Variants in CAPN15 observed in about 807,000 individuals in gnomAD.
CAPN15 encodes calpain 15, also known as calpain-15.
A neutral mutation model predicts 97.9 loss-of-function variants in CAPN15; 53 were observed. The ratio of observed to expected loss-of-function variants is 0.54; its 90% CI spans 0.43 to 0.68. CAPN15 has a LOEUF of 0.68. Among genes scored for constraint, CAPN15 ranks in the 30% least tolerant of loss-of-function variants. CAPN15 has a pLI of 0.00. For missense variants in CAPN15, 1,592 were observed against 1,589.8 expected, an observed-to-expected ratio of 1.00 and a Z score of -0.02; for synonymous variants, 922 against 722.5, an observed-to-expected ratio of 1.28 and a Z score of -4.43.
Position 552,191 on chromosome 16 carries a change from C to G in CAPN15, c.2486C>G (p.Ala829Gly). ...TVLERASLEF[A>G]LFQEGSRRSD... The stretch of plus-strand genomic sequence containing the variant: ...CTGGAGCGGGCCTCGCTGGAGTTCG[C>G]GCTCTTCCAGGAGGGCAGCAGGTGG... The change falls in exon 10 of 14, where the codon GCG (alanine) becomes GGG (glycine). Residue 829 changes from alanine (A) to glycine (G), a missense_variant. Transcript: ENST00000219611. This position sits in a 1 kb window ranked among gnomAD's most constrained non-coding sequence, Gnocchi z 6.4. 1 of 1,535,798 alleles carries G rather than the reference C, an allele frequency of 6.5e-7. No individual in the cohort carries two copies. Among genetic ancestry groups the G allele is most frequent in the Non-Finnish European group, 8.8e-7 (1 of 1,138,922 alleles).
intron 3 of CAPN15, among the ~76,000 whole-genome samples, chr16:545,587 G>C (rs866850440): frequency 6.6e-6 from 1 of 152,212 alleles, no homozygotes; most frequent in Non-Finnish European, 1.5e-5. Flanking sequence ...GGATGACTCC[G>C]AAAGGTGTCT....
In CAPN15 at chr16:552,843, A is replaced by G. The variant is rs2035198702; in HGVS notation, c.2905-20A>G. On this transcript the variant is annotated intron_variant, in intron 12 of 13. Coordinates refer to ENST00000219611, the MANE Select transcript of CAPN15 (RefSeq NM_005632.3). This position sits in a 1 kb window ranked among gnomAD's most constrained non-coding sequence, Gnocchi z 6.4. ...GCCCCAGCACCTCCCCTGCCCCACA[A>G]CTGCCATTCCTGTGCCCAGGGCCGT... 5 of 1,528,774 alleles carry G rather than the reference A, an allele frequency of 3.3e-6. No individual in the cohort carries two copies. Among genetic ancestry groups the G allele is most frequent in the Non-Finnish European group, 4.4e-6 (5 of 1,129,878 alleles). 94.7% of individuals were successfully genotyped at this position (1,528,774 alleles called of 1,614,324 possible).
chr16:535,301 T>C lies in CAPN15; in HGVS notation c.-136-728T>C, dbSNP rs1452048364. Reference sequence around the variant, plus strand: ...CCCAGCAGACCTCAGTGGCCGCAGATGGAGCGGGGCGGCAATGGTCACCTC... The same window carrying C: ...CCCAGCAGACCTCAGTGGCCGCAGACGGAGCGGGGCGGCAATGGTCACCTC... On this transcript the variant is annotated intron_variant, in intron 2 of 13. Coordinates refer to ENST00000219611, the MANE Select transcript of CAPN15 (RefSeq NM_005632.3). This position sits in a 1 kb window ranked among gnomAD's most constrained non-coding sequence, Gnocchi z 6.2. The C allele has an allele frequency of 6.5e-6, 1 of 154,096 alleles. No homozygotes were observed. Among genetic ancestry groups the C allele is most frequent in the East Asian group, 1.9e-4 (1 of 5,168 alleles). 9.5% of individuals were successfully genotyped at this position (154,096 alleles called of 1,614,324 possible).
chr16:549,712 G>A lies in CAPN15; in HGVS notation c.1940G>A (p.Gly647Asp). 1 of 1,571,304 alleles carries A rather than the reference G, an allele frequency of 6.4e-7. No homozygotes were observed. Among genetic ancestry groups the A allele is most frequent in the Non-Finnish European group, 8.6e-7 (1 of 1,159,854 alleles). ...CTCCAGGCGGGCCGCGCCATCGAAGGCCTGGCCACGCTCACCGGCGCCCCC... is the reference window on the plus strand; with the variant it reads ...CTCCAGGCGGGCCGCGCCATCGAAGACCTGGCCACGCTCACCGGCGCCCCC... ...FALQAGRAIE[G>D]LATLTGAPCE... Residue 647 changes from glycine to aspartate, a missense_variant, in exon 7 of 14, where the codon GGC becomes GAC. Transcript: ENST00000219611.
intron 3 of CAPN15, chr16:537,069 C>T (rs1008881935): frequency 1.2e-5 from 11 of 909,182 alleles, no homozygotes; most frequent in Non-Finnish European, 1.4e-5. Context: ...GGAAAAACCC[C>T]GGAGAGGGCT....
In CAPN15 at chr16:549,125, G is replaced by A; in HGVS notation, c.1582G>A (p.Asp528Asn). 1 of 1,611,878 alleles carries A rather than the reference G, an allele frequency of 6.2e-7. No homozygotes were observed. The highest frequency in any genetic ancestry group is 1.1e-5 in the South Asian group (1 of 91,070). ...GGAGATCAACTGCTCCGTCTTCAGG[G>A]ACCACAGGGCCACGTGGTCTGTGTT... ...PQEINCSVFR[D>N]HRATWSVFHT... is the part of the protein sequence containing the mutation. The change falls in exon 5 of 14, where the codon GAC becomes AAC. Residue 528 changes from aspartate (D) to asparagine (N), a missense_variant. Coordinates refer to ENST00000219611, the MANE Select transcript of CAPN15 (RefSeq NM_005632.3).
intron 3 of CAPN15, chr16:536,990 C>T (rs1471083150): frequency 2.9e-6 from 1 of 343,322 alleles, no homozygotes; most frequent in East Asian, 1.7e-4. Flanking sequence ...TCACGGGGCT[C>T]TTGACTCCTC....
chr16:543,705 C>T (rs2034317208), intron 3 of CAPN15, among the ~76,000 whole-genome samples: 1 of 152,170 alleles, frequency 6.6e-6, no homozygotes, highest in Non-Finnish European at 1.5e-5. Flanking sequence ...TGCGGGAAGG[C>T]AGCTGGGCCT....
At position 552,262 on chromosome 16, in the gene CAPN15, G is replaced by A. The variant is rs113557341; in HGVS notation, c.2508-39G>A. On this transcript the variant is annotated intron_variant, in intron 10 of 13. Transcript: ENST00000219611. This position sits in a 1 kb window ranked among gnomAD's most constrained non-coding sequence, Gnocchi z 6.4. ...GCTGGGCTGGGCTAGGCTGGCGGCC[G>A]TGACCACGCGTGACCCTGGCCCGTG... The A allele has an allele frequency of 2.5e-3, 3,806 of 1,534,302 alleles. 7 individuals carry two copies. The highest frequency in any genetic ancestry group is 2.6e-3 in the Non-Finnish European group (2,934 of 1,140,166).
At chr16:538,164 G>C (rs534962820) in intron 3 of CAPN15, 2 of 152,282 alleles carry the variant, frequency 1.3e-5, no homozygotes, top group Admixed American at 1.3e-4. Flanking sequence ...GCCGCCAGGT[G>C]CCCCTTCGAG....
intron 1 of CAPN15, among the ~76,000 whole-genome samples, chr16:529,443 G>A (rs957480057): frequency 2.0e-5 from 3 of 152,224 alleles, no homozygotes; most frequent in Non-Finnish European, 2.9e-5. Context: ...GTGAGGAACC[G>A]AAGCTGGAGA....
Position 552,974 on chromosome 16 carries a change from G to A in CAPN15, c.3016G>A (p.Asp1006Asn), listed in dbSNP as rs149246709. ...AYLHVQCDCT[D>N]SFNVVSTRGS... is the part of the protein sequence containing the mutation. ...CCTGCACGTGCAGTGTGACTGCACC[G>A]ACAGCTTCAACGTGGTGTCCACACG... The change falls in exon 13 of 14, where the codon GAC becomes AAC. Residue 1006 changes from aspartate (D) to asparagine (N), a missense_variant. Transcript: ENST00000219611. This position sits in a 1 kb window ranked among gnomAD's most constrained non-coding sequence, Gnocchi z 6.4. The A allele has an allele frequency of 1.9e-4, 313 of 1,611,596 alleles. No homozygotes were observed. The highest frequency in any genetic ancestry group is 3.1e-4 in the East Asian group (14 of 44,830).
At chr16:544,733 C>G (rs2034429091) in intron 3 of CAPN15, among the ~76,000 whole-genome samples, 1 of 124,762 alleles carries the variant, frequency 8.0e-6, no homozygotes, top group Non-Finnish European at 1.7e-5. Context: ...TCCCCCACGT[C>G]GCCTCCCCCA....
intron 3 of CAPN15, chr16:539,232 C>G (rs891528199): frequency 3.3e-5 from 5 of 152,270 alleles, no homozygotes; most frequent in African/African-American, 1.2e-4. Flanking sequence ...TAATCAGAAG[C>G]TGGAAGAAGG....
At chr16:529,463 A>G (rs1311234357) in intron 1 of CAPN15, among the ~76,000 whole-genome samples, 2 of 152,170 alleles carry the variant, frequency 1.3e-5, no homozygotes, top group African/African-American at 4.8e-5. Context: ...ACAGCTGTTC[A>G]TGGCAGGGGA....
At chr16:548,365 C>T (rs965235849) in intron 4 of CAPN15, 78 bp downstream of exon 4, 100 of 1,356,126 alleles carry the variant, frequency 7.4e-5, no homozygotes, top group Admixed American at 1.6e-4. Flanking sequence ...TGGGCTCTGG[C>T]GATGGGCTGG....
At position 535,848 on chromosome 16, in the gene CAPN15, A is replaced by C. The variant is rs2033666495; in HGVS notation, c.-136-181A>C. 6.6e-6 allele frequency among the ~76,000 whole-genome samples: 1 copy of C among 152,122 alleles called. No individual in the cohort carries two copies. ...CACATGCAGCTCACGGGAGCAGCACAGATGCTTGGCCGGCGGCAGGCCCTA... is the reference window on the plus strand; with the variant it reads ...CACATGCAGCTCACGGGAGCAGCACCGATGCTTGGCCGGCGGCAGGCCCTA... On this transcript the variant is annotated intron_variant, in intron 2 of 13. Transcript: ENST00000219611. The surrounding 1 kb of genome is among the most constrained non-coding windows in gnomAD (Gnocchi z 6.2).
At position 547,243 on chromosome 16, in the gene CAPN15, G is replaced by T; in HGVS notation, c.405G>T (p.Glu135Asp). The change falls in exon 4 of 14, where the codon GAG (glutamate) becomes GAT (aspartate). Residue 135 changes from glutamate to aspartate, a missense_variant. Around this residue, in one of 3 missense-constraint regions of CAPN15, gnomAD observed 883 missense variants for 776.6 expected, o/e 1.14. Transcript: ENST00000219611. Reference sequence around the variant, plus strand: ...ACGAGGAGGAGAAGGAGGAGCAGGAGGAGGAGGAGGGAGCGGCGGAGCCCA... The same window carrying T: ...ACGAGGAGGAGAAGGAGGAGCAGGATGAGGAGGAGGGAGCGGCGGAGCCCA... ...DKDEEEKEEQEEEEGAAEPRG... is the reference protein window; with the variant it reads ...DKDEEEKEEQDEEEGAAEPRG... 1 of 1,514,078 alleles carries T rather than the reference G, an allele frequency of 6.6e-7. No individual in the cohort carries two copies. Among genetic ancestry groups the T allele is most frequent in the South Asian group, 1.3e-5 (1 of 79,110 alleles). 93.8% of individuals were successfully genotyped at this position (1,514,078 alleles called of 1,614,324 possible). A position where few individuals can be genotyped will look rare whatever the true frequency, so the allele number is the denominator to read the frequency against.
chr16:546,607 A>G (rs148958309), intron 3 of CAPN15, among the ~76,000 whole-genome samples: 6,342 of 152,172 alleles, frequency 0.042, 253 homozygotes, highest in African/African-American at 0.1. Flanking sequence ...GGGTCTGCTG[A>G]GCCTCCAACG....
Sources: allele counts gnomAD v4.1 joint callset (sites outside exome capture counted in the v4.1 genomes callset), GRCh38; gene constraint gnomAD v4.1.1; regional missense constraint gnomAD v4.1.1; non-coding constraint Gnocchi (gnomAD v3.1); transcripts MANE v1.5; gene names NCBI Gene and HGNC (gene_info 2026-07-23, HGNC 2026-07-21).